The following UBE2R2 variants were observed in gnomAD, a reference collection of about 807,000 sequenced individuals.
UBE2R2 encodes ubiquitin-conjugating enzyme E2 R2.
In UBE2R2, 1 loss-of-function variant was observed where a neutral mutation model predicts 27.8. The observed-to-expected ratio is 0.04, with a 90% CI of 0.01 to 0.17. The LOEUF is 0.17. UBE2R2 is among the 10% of genes least tolerant of loss of function. UBE2R2 has a pLI of 1.00. For synonymous variants in UBE2R2, 106 were observed against 113.3 expected, an observed-to-expected ratio of 0.94 and a Z score of 0.41; for missense variants, 100 against 291.0, an observed-to-expected ratio of 0.34 and a Z score of 4.78.
At chr9:33,874,542 T>C (rs761187920) in intron 1 of UBE2R2, among the ~76,000 whole-genome samples, 8 of 152,094 alleles carry the variant, frequency 5.3e-5, no homozygotes, top group Non-Finnish European at 1.0e-4. Context: ...TGAAGAAATA[T>C]ATATGCACAC....
intron 1 of UBE2R2, among the ~76,000 whole-genome samples, chr9:33,854,075 CTTTA>C (rs1821040060): frequency 1.3e-5 from 2 of 152,048 alleles, no homozygotes; most frequent in South Asian, 2.1e-4. Flanking sequence ...TCTTAGTTTC[CTTTA>C]TTTTTCTTTT....
At chr9:33,877,823 G>GTCTGTCTGTCTGTCTCTCTCTC in intron 1 of UBE2R2, among the ~76,000 whole-genome samples, 20 of 131,126 alleles carry the variant, frequency 1.5e-4, no homozygotes, top group African/African-American at 5.9e-4. Context: ...CTGTCTGTCT[G>GTCTGTCTGTCTGTCTCTCTCTC]TCTCTCTCTC....
intron 1 of UBE2R2, among the ~76,000 whole-genome samples, chr9:33,835,543 A>ATG (rs1380338336): frequency 3.3e-5 from 5 of 152,088 alleles, no homozygotes; most frequent in Non-Finnish European, 5.9e-5. Flanking sequence ...AATACAAAAG[A>ATG]TGTCGCAGGA....
intron 1 of UBE2R2, among the ~76,000 whole-genome samples, chr9:33,849,678 C>A (rs1820921251): frequency 7.4e-6 from 1 of 135,652 alleles, no homozygotes; most frequent in South Asian, 2.4e-4. Flanking sequence ...ATGGTGAAAC[C>A]TCATCTCTAC....
intron 1 of UBE2R2, among the ~76,000 whole-genome samples, chr9:33,866,219 A>G (rs1178345665): frequency 6.6e-6 from 1 of 151,712 alleles, no homozygotes; most frequent in African/African-American, 2.4e-5. Flanking sequence ...CATGGTTATC[A>G]TACTTAACTG....
intron 1 of UBE2R2, among the ~76,000 whole-genome samples, chr9:33,873,873 G>C (rs914545368): frequency 2.6e-5 from 4 of 151,924 alleles, no homozygotes; most frequent in African/African-American, 9.7e-5. Flanking sequence ...GAACTTCTGG[G>C]CTCAAGCGAT....
chr9:33,822,510 T>C (rs144456410), intron 1 of UBE2R2, among the ~76,000 whole-genome samples: 237 of 151,756 alleles, frequency 1.6e-3, no homozygotes, highest in African/African-American at 5.3e-3. Context: ...CACTGCAGCC[T>C]GAAACACTTG....
chr9:33,844,243 C>T (rs943536780), intron 1 of UBE2R2, among the ~76,000 whole-genome samples: 3 of 152,178 alleles, frequency 2.0e-5, no homozygotes, highest in Non-Finnish European at 2.9e-5. Context: ...TCACTCTTGT[C>T]GCCCAGGCTG....
intron 2 of UBE2R2, among the ~76,000 whole-genome samples, chr9:33,899,564 G>A (rs759798294): frequency 2.8e-4 from 42 of 151,452 alleles, no homozygotes; most frequent in Non-Finnish European, 5.1e-4. Context: ...TAGTAGAGAC[G>A]GGGTTTCACC....
intron 1 of UBE2R2, among the ~76,000 whole-genome samples, chr9:33,820,379 A>T (rs894345040): frequency 2.6e-5 from 4 of 152,232 alleles, no homozygotes; most frequent in African/African-American, 9.6e-5. Context: ...GAAAATTTGT[A>T]AACAGGTTTT....
At chr9:33,864,755 ACT>A (rs1214588934) in intron 1 of UBE2R2, among the ~76,000 whole-genome samples, 9 of 136,212 alleles carry the variant, frequency 6.6e-5, no homozygotes. Context: ...ACAGAGTTTC[ACT>A]CTTGTTGCCC....
At chr9:33,872,090 A>T (rs370898079) in intron 1 of UBE2R2, among the ~76,000 whole-genome samples, 2 of 151,892 alleles carry the variant, frequency 1.3e-5, no homozygotes, top group African/African-American at 4.8e-5. Flanking sequence ...TTTTTTAATT[A>T]AAGACTATTT....
rs147096372 is a variant in UBE2R2, at chr9:33,847,398, G to C, written c.177+29464G>C. On this transcript the variant is annotated intron_variant, in intron 1 of 4. Coordinates refer to ENST00000263228, the MANE Select transcript of UBE2R2 (RefSeq NM_017811.4). ...GCGTGTGCCACTGCGCCCGGCCCTGGCTTGCTTAATTTCTTTTAGTAATGC... is the reference window on the plus strand; with the variant it reads ...GCGTGTGCCACTGCGCCCGGCCCTGCCTTGCTTAATTTCTTTTAGTAATGC... Among the ~76,000 whole-genome samples the C allele has an allele frequency of 3.1e-3, 465 of 151,906 alleles. 9 individuals carry two copies. The highest frequency in any genetic ancestry group is 1.0e-3 in the Non-Finnish European group (70 of 67,944).
intron 1 of UBE2R2, among the ~76,000 whole-genome samples, chr9:33,834,692 C>A (rs1811634554): frequency 6.6e-6 from 1 of 151,924 alleles, no homozygotes; most frequent in Non-Finnish European, 1.5e-5. Context: ...AGGTGGATCA[C>A]CTGAGGTCAG....
intron 2 of UBE2R2, among the ~76,000 whole-genome samples, chr9:33,899,049 A>G (rs1822187032): frequency 6.6e-6 from 1 of 152,234 alleles, no homozygotes; most frequent in African/African-American, 2.4e-5. Flanking sequence ...TTTGGTTTAT[A>G]TAAGTCATGG....
At chr9:33,848,226 A>G (rs1820887842) in intron 1 of UBE2R2, among the ~76,000 whole-genome samples, 2 of 151,974 alleles carry the variant, frequency 1.3e-5, no homozygotes, top group Admixed American at 6.6e-5. Flanking sequence ...TTTTTCTTCT[A>G]TTTTCTTTTA....
At chr9:33,885,023 G>A (rs1249816866) in intron 1 of UBE2R2, among the ~76,000 whole-genome samples, 3 of 152,180 alleles carry the variant, frequency 2.0e-5, no homozygotes, top group African/African-American at 7.2e-5. Context: ...GGTAATGATT[G>A]AACAGAGATT....
intron 1 of UBE2R2, among the ~76,000 whole-genome samples, chr9:33,859,620 G>A (rs968421199): frequency 5.9e-5 from 9 of 152,064 alleles, no homozygotes; most frequent in African/African-American, 2.2e-4. Context: ...CAGAAGCATT[G>A]TTGTGACGTT....
chr9:33,830,348 G>T (rs1820435740), intron 1 of UBE2R2, among the ~76,000 whole-genome samples: 1 of 148,392 alleles, frequency 6.7e-6, no homozygotes, highest in Admixed American at 6.7e-5. Flanking sequence ...GTAGAGACGG[G>T]GTTTCACCAT....
Sources: allele counts gnomAD v4.1 joint callset (sites outside exome capture counted in the v4.1 genomes callset), GRCh38; gene constraint gnomAD v4.1.1; transcripts MANE v1.5; gene names NCBI Gene and HGNC (gene_info 2026-07-23, HGNC 2026-07-21).